ARIH2: variants seen among roughly 807,000 people sequenced by gnomAD.
ARIH2 encodes E3 ubiquitin-protein ligase ARIH2.
In ARIH2, 12 loss-of-function variants were observed where a neutral mutation model predicts 79.8. The ratio of observed to expected loss-of-function variants is 0.15; its 90% CI spans 0.10 to 0.24. The LOEUF (loss-of-function observed/expected upper bound fraction) is 0.24, where lower values mean the gene tolerates loss of function less well. ARIH2 is among the 10% of genes least tolerant of loss of function. ARIH2 has a pLI of 1.00. For missense variants in ARIH2, 301 were observed against 618.3 expected (o/e 0.49, Z 5.44); for synonymous variants, 224 against 213.9 (o/e 1.05, Z -0.41).
intron 2 of ARIH2, among the ~76,000 whole-genome samples, chr3:48,926,297 C>T (rs900921329): frequency 4.6e-5 from 7 of 151,482 alleles, no homozygotes; most frequent in African/African-American, 9.7e-5. Context: ...GACGGAGTTT[C>T]GCTTTTATTG....
chr3:48,971,770 A>G (rs1229971605), intron 8 of ARIH2, among the ~76,000 whole-genome samples: 6 of 152,214 alleles, frequency 3.9e-5, no homozygotes, highest in African/African-American at 1.2e-4. Flanking sequence ...TGGTTCTTTC[A>G]TTTTAAATCC....
At chr3:48,977,264 A>C (rs1409605483) in intron 11 of ARIH2, among the ~76,000 whole-genome samples, 1 of 152,000 alleles carries the variant, frequency 6.6e-6, no homozygotes, top group Non-Finnish European at 1.5e-5. Context: ...TATACCACCT[A>C]TATGGGCAAC....
chr3:48,967,376 T>C, intron 6 of ARIH2, 101 bp downstream of exon 6: 1 of 1,331,762 alleles, frequency 7.5e-7, no homozygotes, highest in Non-Finnish European at 1.0e-6. Context: ...CTTCTGAGCC[T>C]GATTGGGGTT....
At chr3:48,942,820 T>C (rs527857812) in intron 3 of ARIH2, among the ~76,000 whole-genome samples, 1 of 151,988 alleles carries the variant, frequency 6.6e-6, no homozygotes, top group East Asian at 1.9e-4. Context: ...CCCAGCTAAT[T>C]TTGTATTTTT....
chr3:48,961,183 GC>G (rs935848948), intron 3 of ARIH2, among the ~76,000 whole-genome samples: 21 of 152,148 alleles, frequency 1.4e-4, no homozygotes, highest in African/African-American at 4.8e-4. Context: ...TAGGGTTTAT[GC>G]AAACCCAGGC....
intron 3 of ARIH2, among the ~76,000 whole-genome samples, chr3:48,946,606 T>G (rs1275357234): frequency 6.6e-6 from 1 of 151,996 alleles, no homozygotes; most frequent in Non-Finnish European, 1.5e-5. Flanking sequence ...GTATTGACAT[T>G]GTAAATGCAA....
chr3:48,922,628 T>A (rs944489075), intron 1 of ARIH2, 120 bp from the exon 2 acceptor site: 11 of 152,290 alleles, frequency 7.2e-5, no homozygotes, highest in African/African-American at 2.6e-4. Flanking sequence ...ATAATTAATT[T>A]AATAGTTACT....
chr3:48,984,177 T>C lies in ARIH2; in HGVS notation c.*907T>C, dbSNP rs1379023260. 2.0e-5 allele frequency: 3 copies of C among 152,668 alleles called. No individual in the cohort carries two copies. The East Asian group carries it at 5.8e-4, about 29-fold the overall frequency. 9.5% of individuals were successfully genotyped at this position (152,668 alleles called of 1,614,324 possible). A position where few individuals can be genotyped will look rare whatever the true frequency, so the allele number is the denominator to read the frequency against. On this transcript the variant is annotated 3_prime_UTR_variant, in exon 16 of 16. Transcript: ENST00000356401. ...ATAAATTTGCTTTACCTTGGTCCTT[T>C]CTTTTGTGCCAGTATTCAAGTGGTA...
In ARIH2 at chr3:48,980,192, A is replaced by C. The variant is rs533665118; in HGVS notation, c.1114-161A>C. 1.1e-3 allele frequency: 728 copies of C among 692,284 alleles called. 4 individuals carry two copies. Among genetic ancestry groups the C allele is most frequent in the Middle Eastern group, 8.5e-4 (2 of 2,366 alleles). 42.9% of individuals were successfully genotyped at this position (692,284 alleles called of 1,614,324 possible). On this transcript the variant is annotated intron_variant, in intron 12 of 15. Coordinates refer to ENST00000356401, the MANE Select transcript of ARIH2 (RefSeq NM_006321.4). ...AGCATACAGCTGCTCTGGACAGGTT[A>C]GAAGGATGGACTGAAGAAGACCTGC...
chr3:48,970,473 T>C (rs2092156726), intron 7 of ARIH2, 122 bp from the exon 8 acceptor site: 1 of 677,926 alleles, frequency 1.5e-6, no homozygotes, highest in Admixed American at 2.4e-5. Flanking sequence ...TCTGAATTTA[T>C]ATAGCCCCTT....
chr3:48,922,192 C>T (rs2084914833), intron 1 of ARIH2, among the ~76,000 whole-genome samples: 1 of 151,884 alleles, frequency 6.6e-6, no homozygotes, highest in African/African-American at 2.4e-5. Flanking sequence ...ACACTGCACT[C>T]CAACCTGGGT....
At chr3:48,982,411 C>A (rs1447101626) in intron 14 of ARIH2, among the ~76,000 whole-genome samples, 2 of 152,118 alleles carry the variant, frequency 1.3e-5, no homozygotes, top group African/African-American at 4.8e-5. Flanking sequence ...TTCTTTCTTT[C>A]TTTCACTGCT....
intron 9 of ARIH2, 67 bp downstream of exon 9, chr3:48,973,883 G>A (rs2092374441): frequency 8.0e-7 from 1 of 1,252,902 alleles, no homozygotes; most frequent in Non-Finnish European, 1.2e-6. Context: ...TTGCCTTGGA[G>A]ATTTGCCATC....
intron 3 of ARIH2, among the ~76,000 whole-genome samples, chr3:48,956,439 CTTTT>C (rs34693818): frequency 3.9e-4 from 14 of 36,254 alleles, no homozygotes; most frequent in African/African-American, 7.8e-4. Context: ...GCGCCCGGCA[CTTTT>C]TTTTTTTTTT....
intron 4 of ARIH2, among the ~76,000 whole-genome samples, chr3:48,964,054 A>G (rs2091538553): frequency 6.6e-6 from 1 of 151,848 alleles, no homozygotes; most frequent in South Asian, 2.1e-4. Context: ...TTTTAAAGAC[A>G]GAGTCTTGCT....
At chr3:48,956,327 C>T (rs2090566644) in intron 3 of ARIH2, among the ~76,000 whole-genome samples, 2 of 150,196 alleles carry the variant, frequency 1.3e-5, no homozygotes, top group South Asian at 2.1e-4. Flanking sequence ...TTAGTAGAGA[C>T]GGGGTTTCAC....
intron 4 of ARIH2, 142 bp from the exon 5 acceptor site, chr3:48,964,777 T>C (rs1447801569): frequency 3.4e-6 from 2 of 580,176 alleles, no homozygotes; most frequent in Admixed American, 3.3e-5. Context: ...AAAAAGTCTT[T>C]GTACTGAGAT....
chr3:48,960,559 T>A (rs1024617942), intron 3 of ARIH2, among the ~76,000 whole-genome samples: 2 of 150,930 alleles, frequency 1.3e-5, no homozygotes, highest in Non-Finnish European at 3.0e-5. Context: ...AGATCAGGAG[T>A]TCGAAACTAG....
intron 3 of ARIH2, among the ~76,000 whole-genome samples, chr3:48,941,395 C>T (rs1326465868): frequency 6.6e-6 from 1 of 152,080 alleles, no homozygotes; most frequent in Non-Finnish European, 1.5e-5. Flanking sequence ...AAGTAAGTTA[C>T]ATGTCATAGA....
Sources: allele counts gnomAD v4.1 joint callset (sites outside exome capture counted in the v4.1 genomes callset), GRCh38; gene constraint gnomAD v4.1.1; transcripts MANE v1.5; gene names NCBI Gene and HGNC (gene_info 2026-07-23, HGNC 2026-07-21).